The following DPYSL3 variants were observed in gnomAD, a reference collection of about 807,000 sequenced individuals.
DPYSL3 encodes the protein dihydropyrimidinase like 3, also known as dihydropyrimidinase-related protein 3.
A neutral mutation model predicts 66.1 loss-of-function variants in DPYSL3; 16 were observed. The ratio of observed to expected loss-of-function variants is 0.24; its 90% confidence interval spans 0.16 to 0.37. The LOEUF is 0.37. Among genes scored for constraint, DPYSL3 ranks in the 10% least tolerant of loss-of-function variants. The probability of loss-of-function intolerance (pLI) is 1.00; values close to 1 mark genes in which losing one functional copy is unlikely to be tolerated. For synonymous variants in DPYSL3, 338 were observed against 345.1 expected, an observed-to-expected ratio of 0.98 and a Z score of 0.23; for missense variants, 738 against 916.2, an observed-to-expected ratio of 0.81 and a Z score of 2.51.
At chr5:147,418,687 A>G (rs1752022286) in intron 2 of DPYSL3, 56 bp from the exon 3 acceptor site, 2 of 1,474,174 alleles carry the variant, frequency 1.4e-6, no homozygotes, top group Admixed American at 2.0e-5. Flanking sequence ...TAAAAGTGCA[A>G]TTTCCAAGAC....
chr5:147,472,622 C>T (rs1753101569), intron 1 of DPYSL3: 1 of 152,168 alleles, frequency 6.6e-6, no homozygotes, highest in Admixed American at 6.5e-5. Context: ...GATATCTGCT[C>T]AAAGGCCTAT....
At chr5:147,402,944 T>C (rs1758236285) in intron 8 of DPYSL3, among the ~76,000 whole-genome samples, 1 of 152,200 alleles carries the variant, frequency 6.6e-6, no homozygotes, top group Non-Finnish European at 1.5e-5. Flanking sequence ...AGCTACCCTA[T>C]ACAGCCCTGC....
At chr5:147,427,461 G>A (rs1752218475) in intron 1 of DPYSL3, among the ~76,000 whole-genome samples, 1 of 152,170 alleles carries the variant, frequency 6.6e-6, no homozygotes. Flanking sequence ...AGGTGTCTGG[G>A]TCAGAATATT....
intron 7 of DPYSL3, among the ~76,000 whole-genome samples, chr5:147,407,211 C>A (rs1482890905): frequency 6.6e-6 from 1 of 152,130 alleles, no homozygotes. Flanking sequence ...TCATTCCTCC[C>A]AAGCACTACA....
At chr5:147,438,482 T>C (rs965154639) in intron 1 of DPYSL3, among the ~76,000 whole-genome samples, 2 of 152,194 alleles carry the variant, frequency 1.3e-5, no homozygotes, top group African/African-American at 2.4e-5. Context: ...GCTTTACTCA[T>C]ACTAGGCACC....
At chr5:147,423,207 G>A (rs6867744) in intron 2 of DPYSL3, among the ~76,000 whole-genome samples, 1 of 152,072 alleles carries the variant, frequency 6.6e-6, no homozygotes, top group Non-Finnish European at 1.5e-5. Context: ...AGAAATTATT[G>A]TCATATATTT....
At chr5:147,445,699 G>A (rs1341746558) in intron 1 of DPYSL3, among the ~76,000 whole-genome samples, 1 of 152,168 alleles carries the variant, frequency 6.6e-6, no homozygotes, top group Non-Finnish European at 1.5e-5. Flanking sequence ...AGAGCCTGGT[G>A]AGCAGATACA....
At chr5:147,488,589 G>A (rs1024658327) in intron 1 of DPYSL3, among the ~76,000 whole-genome samples, 1 of 152,054 alleles carries the variant, frequency 6.6e-6, no homozygotes, top group African/African-American at 2.4e-5. Flanking sequence ...GGTGGTGCAT[G>A]CTGGTGTTCC....
At chr5:147,417,648 A>G (rs1421524052) in intron 3 of DPYSL3, among the ~76,000 whole-genome samples, 1 of 152,176 alleles carries the variant, frequency 6.6e-6, no homozygotes, top group Non-Finnish European at 1.5e-5. Context: ...ATTCATCAGG[A>G]TTCCTTTGGG....
intron 1 of DPYSL3, among the ~76,000 whole-genome samples, chr5:147,492,048 TA>T (rs369755280): frequency 6.4e-4 from 97 of 152,004 alleles, no homozygotes; most frequent in South Asian, 2.1e-3. Flanking sequence ...AAAGAAGCCA[TA>T]GGGGGGGAAA....
intron 7 of DPYSL3, among the ~76,000 whole-genome samples, chr5:147,406,929 C>G (rs576043908): frequency 2.0e-5 from 3 of 152,146 alleles, no homozygotes; most frequent in South Asian, 2.1e-4. Context: ...CTGGCCTCCC[C>G]CAAGCTGCAC....
rs1750094512 is a variant in DPYSL3 at position 147,509,380 on chromosome 5, G to A, written c.381+98C>T. On this transcript the variant is annotated intron_variant, in intron 1 of 13. Coordinates refer to ENST00000343218, the MANE Select transcript of DPYSL3 (RefSeq NM_001197294.2). The surrounding 1 kb of genome is among the most constrained non-coding windows in gnomAD (Gnocchi z 5.3). ...TTCCTCCTCCTTGTCCCCCAGCCCCGTGCAAAGTGAGCTGGAGAAAGTTGT... is the reference window on the plus strand; with the variant it reads ...TTCCTCCTCCTTGTCCCCCAGCCCCATGCAAAGTGAGCTGGAGAAAGTTGT... 2.1e-6 allele frequency: 3 copies of A among 1,398,714 alleles called. No homozygotes were observed. Among genetic ancestry groups the A allele is most frequent in the Middle Eastern group, 2.2e-4 (1 of 4,584 alleles). The allele number at this position is 1,398,714 out of a possible 1,614,324, so 86.6% of individuals were successfully genotyped here.
Position 147,395,609 on chromosome 5 carries a change from C to A in DPYSL3, c.1916G>T (p.Arg639Leu), listed in dbSNP as rs1383006271. 3 of 1,613,814 alleles carry A rather than the reference C, an allele frequency of 1.9e-6. No homozygotes were observed. The highest frequency in any genetic ancestry group is 2.5e-6 in the Non-Finnish European group (3 of 1,179,992). Reference sequence around the variant, plus strand: ...AAGATTCCTCACAGGTGGGTTCGGCCGAGTAGGAGAGCCCCGAGCAGAGCC... The same window carrying A: ...AAGATTCCTCACAGGTGGGTTCGGCAGAGTAGGAGAGCCCCGAGCAGAGCC... ...PAGSARGSPT[R>L]PNPPVRNLHQ... The change falls in exon 13 of 14, where the codon CGG becomes CTG. Residue 639 changes from arginine to leucine, a missense_variant. By Grantham distance (102) the Arg-to-Leu change is moderately radical. Transcript: ENST00000343218.
At chr5:147,420,539 C>T (rs932922777) in intron 2 of DPYSL3, among the ~76,000 whole-genome samples, 1 of 152,140 alleles carries the variant, frequency 6.6e-6, no homozygotes, top group African/African-American at 2.4e-5. Context: ...GAGTACCATA[C>T]CGTGTGACAT....
At chr5:147,487,425 C>G (rs1348612603) in intron 1 of DPYSL3, among the ~76,000 whole-genome samples, 1 of 152,164 alleles carries the variant, frequency 6.6e-6, no homozygotes, top group South Asian at 2.1e-4. Context: ...GTAACTACCT[C>G]AAATTTTGGA....
At chr5:147,489,024 A>G (rs974694117) in intron 1 of DPYSL3, among the ~76,000 whole-genome samples, 58 of 151,908 alleles carry the variant, frequency 3.8e-4, no homozygotes, top group Admixed American at 2.8e-3. Context: ...TAAAAAAAAA[A>G]AAAGAAAAAG....
chr5:147,399,359 AG>A, intron 10 of DPYSL3, 107 bp from the exon 11 acceptor site: 4 of 1,308,116 alleles, frequency 3.1e-6, no homozygotes, highest in Non-Finnish European at 4.1e-6. Context: ...AAATACAAAA[AG>A]GAGCCACCTG....
intron 7 of DPYSL3, 58 bp downstream of exon 7, chr5:147,408,670 G>C: frequency 6.4e-7 from 1 of 1,566,840 alleles, no homozygotes. Context: ...CATTCTCGTC[G>C]CCTTTTAACA....
chr5:147,444,908 C>T (rs1405903108), intron 1 of DPYSL3, among the ~76,000 whole-genome samples: 1 of 151,860 alleles, frequency 6.6e-6, no homozygotes, highest in Non-Finnish European at 1.5e-5. Context: ...TTAACCAATA[C>T]TTCCAAAATA....
Sources: gnomAD v4.1 joint callset for allele counts (sites outside exome capture counted in the v4.1 genomes callset) on GRCh38, gnomAD v4.1.1 for gene constraint, Gnocchi (gnomAD v3.1) non-coding constraint, MANE v1.5 for transcripts, NCBI Gene and HGNC (gene_info 2026-07-23, HGNC 2026-07-21) for gene names.